Variants in CAMK1D observed in about 807,000 individuals in gnomAD.
CAMK1D encodes the protein calcium/calmodulin dependent protein kinase ID.
A neutral mutation model predicts 47.7 loss-of-function variants in CAMK1D; 9 were observed. The ratio of observed to expected loss-of-function variants is 0.19; its 90% CI spans 0.11 to 0.33. CAMK1D has a LOEUF of 0.33. Among genes scored for constraint, CAMK1D ranks in the 10% least tolerant of loss-of-function variants. CAMK1D has a pLI of 1.00. For synonymous variants in CAMK1D, 184 were observed against 184.9 expected, an observed-to-expected ratio of 0.99 and a Z score of 0.04; for missense variants, 291 against 488.7, an observed-to-expected ratio of 0.60 and a Z score of 3.81.
intron 1 of CAMK1D, among the ~76,000 whole-genome samples, chr10:12,516,439 C>A (rs970288031): frequency 2.0e-5 from 3 of 152,194 alleles, no homozygotes; most frequent in South Asian, 4.1e-4. Context: ...ATAGCTGTTA[C>A]AAGCATTTGC....
chr10:12,633,381 G>T (rs939682038), intron 2 of CAMK1D, among the ~76,000 whole-genome samples: 3 of 152,130 alleles, frequency 2.0e-5, no homozygotes, highest in Non-Finnish European at 4.4e-5. Flanking sequence ...GAGGTTTCTG[G>T]CTGGTTCCAC....
rs750940947 is a variant in CAMK1D, at chr10:12,449,306, C to T, written c.92+99396C>T. 5.9e-5 allele frequency among the ~76,000 whole-genome samples: 9 copies of T among 152,094 alleles called. No homozygotes were observed. The South Asian group carries it at 6.2e-4, about 11-fold the overall frequency. On this transcript the variant is annotated intron_variant, in intron 1 of 10. Coordinates refer to ENST00000619168, the MANE Select transcript of CAMK1D (RefSeq NM_153498.4). ...GGGTCCGTGTGGCTGTGTGAAGGGC[C>T]CCGTCGTCTTGTGTAGCTGCTCCCG...
intron 1 of CAMK1D, among the ~76,000 whole-genome samples, chr10:12,515,430 C>CTTTTTTTTTTTTAATTATTA (rs55728182): frequency 1.1e-5 from 1 of 92,262 alleles, no homozygotes; most frequent in African/African-American, 4.1e-5. Flanking sequence ...TTTTTTTTTT[C>CTTTTTTTTTTTTAATTATTA]ATTATACTTT....
At chr10:12,488,819 C>T (rs376130343) in intron 1 of CAMK1D, among the ~76,000 whole-genome samples, 25 of 152,286 alleles carry the variant, frequency 1.6e-4, no homozygotes, top group African/African-American at 5.1e-4. Context: ...CTAATGGCGC[C>T]GCTGATCTGA....
rs570252395 is a variant in CAMK1D, at chr10:12,420,640, G to A, written c.92+70730G>A. On this transcript the variant is annotated intron_variant, in intron 1 of 10. Transcript: ENST00000619168. ...ATTCTGCATATTTCTAACAGCCTCT[G>A]TCTTGCTAAGAGCTGTTGGATAATC... 3.9e-5 allele frequency among the ~76,000 whole-genome samples: 6 copies of A among 152,176 alleles called. No homozygotes were observed. In the South Asian group the frequency reaches 1.2e-3, roughly 32 times the overall value.
At chr10:12,826,699 C>G (rs1833221063) in intron 10 of CAMK1D, among the ~76,000 whole-genome samples, 1 of 152,194 alleles carries the variant, frequency 6.6e-6, no homozygotes, top group Non-Finnish European at 1.5e-5. Context: ...CCCTTCCTCT[C>G]TAAGGAATCT....
At position 12,692,536 on chromosome 10, in the gene CAMK1D, C is replaced by T. The variant is rs1379455511; in HGVS notation, c.299+25726C>T. 2.6e-5 allele frequency among the ~76,000 whole-genome samples: 4 copies of T among 152,176 alleles called. No individual in the cohort carries two copies. In the East Asian group the frequency reaches 7.7e-4, roughly 29 times the overall value. Reference sequence around the variant, plus strand: ...TTGTTTATTATATGGAGTTGCAAAACCCTTTCTAAGCATGAAGTAAATTGA... The same window carrying T: ...TTGTTTATTATATGGAGTTGCAAAATCCTTTCTAAGCATGAAGTAAATTGA... On this transcript the variant is annotated intron_variant, in intron 3 of 10. Transcript: ENST00000619168.
chr10:12,557,551 C>CAAAAA (rs5783273), intron 2 of CAMK1D, among the ~76,000 whole-genome samples: 6 of 84,454 alleles, frequency 7.1e-5, no homozygotes, highest in Admixed American at 1.3e-4. Context: ...GACTCCATCT[C>CAAAAA]AAAAAAAAAA....
intron 1 of CAMK1D, among the ~76,000 whole-genome samples, chr10:12,369,253 A>G (rs181418719): frequency 6.6e-6 from 1 of 152,312 alleles, no homozygotes; most frequent in East Asian, 1.9e-4. Context: ...TACCTTGCCA[A>G]AGGGCTCATA....
chr10:12,392,017 A>ACACACAC (rs34312096), intron 1 of CAMK1D, among the ~76,000 whole-genome samples: 10 of 147,208 alleles, frequency 6.8e-5, no homozygotes, highest in African/African-American at 2.0e-4. Flanking sequence ...ACACACACAC[A>ACACACAC]AACAGTCTGG....
chr10:12,780,762 A>G (rs750761264), intron 5 of CAMK1D, among the ~76,000 whole-genome samples: 14 of 152,240 alleles, frequency 9.2e-5, no homozygotes, highest in Non-Finnish European at 2.1e-4. Context: ...TGTTAGTGTC[A>G]CAACAGGGTT....
intron 3 of CAMK1D, among the ~76,000 whole-genome samples, chr10:12,669,423 A>C (rs1301116119): frequency 6.6e-6 from 1 of 152,188 alleles, no homozygotes; most frequent in Non-Finnish European, 1.5e-5. Flanking sequence ...AAGGAAAAAA[A>C]ATTTGCGCAG....
chr10:12,366,782 T>TGG (rs1329093993), intron 1 of CAMK1D, among the ~76,000 whole-genome samples: 10 of 151,684 alleles, frequency 6.6e-5, no homozygotes, highest in Admixed American at 6.6e-4. Flanking sequence ...CCTGTGGAGG[T>TGG]GGGGCTGTGG....
chr10:12,780,084 G>A (rs890531678), intron 5 of CAMK1D, among the ~76,000 whole-genome samples: 2 of 152,112 alleles, frequency 1.3e-5, no homozygotes, highest in South Asian at 2.1e-4. Context: ...AAAGGAGATG[G>A]AGAACAGTTG....
At chr10:12,555,974 G>A (rs1180665613) in intron 2 of CAMK1D, among the ~76,000 whole-genome samples, 6 of 152,154 alleles carry the variant, frequency 3.9e-5, no homozygotes, top group African/African-American at 1.4e-4. Context: ...CAGGGAGAGG[G>A]CATTTAAAAA....
intron 1 of CAMK1D, among the ~76,000 whole-genome samples, chr10:12,538,918 T>C (rs1418580372): frequency 7.4e-6 from 1 of 135,234 alleles, no homozygotes; most frequent in African/African-American, 2.8e-5. Flanking sequence ...AAAGGAAGAG[T>C]GTAGGCAGCC....
intron 5 of CAMK1D, among the ~76,000 whole-genome samples, chr10:12,772,869 A>G (rs1184187490): frequency 6.6e-6 from 1 of 152,078 alleles, no homozygotes; most frequent in African/African-American, 2.4e-5. Context: ...ACACAACTTC[A>G]GAGTAGGGAA....
At chr10:12,685,463 G>A (rs982109412) in intron 3 of CAMK1D, among the ~76,000 whole-genome samples, 5 of 152,124 alleles carry the variant, frequency 3.3e-5, no homozygotes, top group African/African-American at 1.2e-4. Context: ...GTGCTTCTCA[G>A]GTTCAGAAGA....
chr10:12,644,474 A>G (rs544713358), intron 2 of CAMK1D, among the ~76,000 whole-genome samples: 22 of 152,278 alleles, frequency 1.4e-4, no homozygotes, highest in South Asian at 4.1e-4. Context: ...AAAGCACTTG[A>G]CCCATACACT....
Sources: gnomAD v4.1 joint callset for allele counts (sites outside exome capture counted in the v4.1 genomes callset) on GRCh38, gnomAD v4.1.1 for gene constraint, MANE v1.5 for transcripts, NCBI Gene and HGNC (gene_info 2026-07-23, HGNC 2026-07-21) for gene names.